PALM2AKAP2: variants seen among roughly 807,000 people sequenced by gnomAD.
PALM2AKAP2 encodes the protein PALM2 and AKAP2 fusion, also known as PALM2-AKAP2 fusion protein.
In PALM2AKAP2, 37 loss-of-function variants were observed where a neutral mutation model predicts 71.5. The observed-to-expected ratio is 0.52, with a 90% CI of 0.40 to 0.68. PALM2AKAP2 has a LOEUF of 0.68. PALM2AKAP2 is among the 30% of genes least tolerant of loss of function. The pLI is 0.00. For missense variants in PALM2AKAP2, 1,224 were observed against 1,191.8 expected (o/e 1.03, Z -0.40); for synonymous variants, 468 against 478.8 (o/e 0.98, Z 0.29).
intron 1 of PALM2AKAP2, among the ~76,000 whole-genome samples, chr9:109,814,900 T>G (rs1366703848): frequency 6.6e-6 from 1 of 152,214 alleles, no homozygotes; most frequent in East Asian, 1.9e-4. Flanking sequence ...GAGTTTGGAT[T>G]TTATCCTGTG....
intron 1 of PALM2AKAP2, among the ~76,000 whole-genome samples, chr9:109,711,574 G>T (rs1828238043): frequency 6.6e-6 from 1 of 152,218 alleles, no homozygotes; most frequent in African/African-American, 2.4e-5. Context: ...GGATTATGAG[G>T]GCCCCAAGGC....
chr9:109,744,961 C>T (rs1178521729), intron 1 of PALM2AKAP2, among the ~76,000 whole-genome samples: 4 of 152,202 alleles, frequency 2.6e-5, no homozygotes, highest in Non-Finnish European at 5.9e-5. Flanking sequence ...CCTCTAAGTC[C>T]ATGCATGCCC....
chr9:109,879,624 A>G (rs1239739116), intron 2 of PALM2AKAP2, among the ~76,000 whole-genome samples: 9 of 152,066 alleles, frequency 5.9e-5, no homozygotes, highest in Non-Finnish European at 1.3e-4. Flanking sequence ...GCTGCCTCCG[A>G]ACCATTGACC....
At chr9:109,865,396 C>T (rs1011473747) in intron 1 of PALM2AKAP2, among the ~76,000 whole-genome samples, 3 of 152,018 alleles carry the variant, frequency 2.0e-5, no homozygotes, top group African/African-American at 7.2e-5. Flanking sequence ...ACTGTGTGCC[C>T]GGCCCTAAAT....
chr9:109,843,466 A>G (rs541525217), intron 1 of PALM2AKAP2, among the ~76,000 whole-genome samples: 67 of 152,138 alleles, frequency 4.4e-4, no homozygotes, highest in Non-Finnish European at 9.3e-4. Flanking sequence ...TAATTCTATA[A>G]TGTACACTTA....
Position 110,093,697 on chromosome 9 carries a change from T to C in PALM2AKAP2, c.157-42430T>C, listed in dbSNP as rs559174544. Among the ~76,000 whole-genome samples, 27 of 152,314 alleles carry C rather than the reference T, an allele frequency of 1.8e-4. No homozygotes were observed. In the South Asian group the frequency reaches 5.2e-3, roughly 29 times the overall value. On this transcript the variant is annotated intron_variant, in intron 1 of 3. Transcript: ENST00000374525. Reference sequence around the variant, plus strand: ...TCTCCAGGCTCATCTCCCCTGCTGCTGCCTTGCACCTTACAACGAGCTGTT... The same window carrying C: ...TCTCCAGGCTCATCTCCCCTGCTGCCGCCTTGCACCTTACAACGAGCTGTT...
chr9:110,014,800 AAAAATGTATATATATATAT>A (rs1461669992), intron 6 of PALM2AKAP2, among the ~76,000 whole-genome samples: 929 of 51,658 alleles, frequency 0.018, 79 homozygotes, highest in African/African-American at 0.063. Flanking sequence ...AAAAAAAAAA[AAAAATGTATATATATATAT>A]ATATATATAT....
intron 6 of PALM2AKAP2, among the ~76,000 whole-genome samples, chr9:109,990,816 C>T (rs1288906754): frequency 2.6e-5 from 4 of 152,220 alleles, no homozygotes; most frequent in South Asian, 2.1e-4. Context: ...GTGAGATAAA[C>T]ATGAGCCCAG....
chr9:110,070,521 C>G (rs1361349342), intron 1 of PALM2AKAP2, among the ~76,000 whole-genome samples: 1 of 152,164 alleles, frequency 6.6e-6, no homozygotes, highest in Non-Finnish European at 1.5e-5. Context: ...TTCTTTCAGT[C>G]GATCCTCTCA....
chr9:109,955,764 A>G (rs1487738486), intron 6 of PALM2AKAP2, among the ~76,000 whole-genome samples: 2 of 151,972 alleles, frequency 1.3e-5, no homozygotes, highest in African/African-American at 4.8e-5. Flanking sequence ...GTGAAATCCC[A>G]ACTCTACTAA....
At chr9:110,080,835 T>C (rs1834434010) in intron 1 of PALM2AKAP2, among the ~76,000 whole-genome samples, 1 of 152,114 alleles carries the variant, frequency 6.6e-6, no homozygotes, top group Admixed American at 6.5e-5. Flanking sequence ...CCCGCCACCA[T>C]GACCAGCTAA....
chr9:110,156,306 C>T lies in PALM2AKAP2; in HGVS notation c.2570-13C>T, dbSNP rs777796314. Reference sequence around the variant, plus strand: ...ACAAGCTTAGAAAGGGTATTTTCTTCGTGTTGTTTCAGGGAAAATAGAGAA... The same window carrying T: ...ACAAGCTTAGAAAGGGTATTTTCTTTGTGTTGTTTCAGGGAAAATAGAGAA... On this transcript the variant is annotated splice_polypyrimidine_tract_variant and intron_variant, in intron 2 of 3. Coordinates refer to ENST00000374525, the Ensembl canonical transcript of PALM2AKAP2. 3.1e-5 allele frequency: 48 copies of T among 1,553,178 alleles called. No individual in the cohort carries two copies. The highest frequency in any genetic ancestry group is 3.7e-5 in the Non-Finnish European group (42 of 1,150,308).
At chr9:109,658,922 A>C (rs1827348323) in intron 1 of PALM2AKAP2, among the ~76,000 whole-genome samples, 1 of 152,246 alleles carries the variant, frequency 6.6e-6, no homozygotes, top group African/African-American at 2.4e-5. Flanking sequence ...ACAAACTTGC[A>C]GGACCTTTAT....
intron 6 of PALM2AKAP2, among the ~76,000 whole-genome samples, chr9:109,965,978 C>T (rs1461154641): frequency 6.6e-6 from 1 of 152,116 alleles, no homozygotes; most frequent in Non-Finnish European, 1.5e-5. Context: ...AATGTGTAAG[C>T]AAACCATGAA....
chr9:109,679,451 A>G (rs1827693991), intron 1 of PALM2AKAP2, among the ~76,000 whole-genome samples: 1 of 152,168 alleles, frequency 6.6e-6, no homozygotes, highest in African/African-American at 2.4e-5. Context: ...TTCCCTTTTA[A>G]GAAGAGAACC....
chr9:110,015,783 C>T (rs550522727), intron 6 of PALM2AKAP2, among the ~76,000 whole-genome samples, 171 bp from the exon 7 acceptor site: 66 of 152,274 alleles, frequency 4.3e-4, no homozygotes, highest in African/African-American at 1.5e-3. Context: ...CAGGACTACA[C>T]TTCTGAAAGG....
intron 1 of PALM2AKAP2, among the ~76,000 whole-genome samples, chr9:109,713,047 G>A (rs1175850726): frequency 6.6e-6 from 1 of 152,216 alleles, no homozygotes; most frequent in Non-Finnish European, 1.5e-5. Flanking sequence ...AAGTAGCAGA[G>A]CATGTTAGAA....
At chr9:109,738,062 C>G (rs1415252157) in intron 1 of PALM2AKAP2, among the ~76,000 whole-genome samples, 2 of 151,920 alleles carry the variant, frequency 1.3e-5, no homozygotes, top group African/African-American at 2.4e-5. Flanking sequence ...TTCCTGGTAC[C>G]AATATTGGAA....
In PALM2AKAP2 at chr9:109,876,948, C is replaced by T. The variant is rs563044417; in HGVS notation, c.127-3603C>T. ...GGCCAGAGCTACCTGCTGATGGTGG[C>T]AGCTAAGTTGGTGAGAAGTGAGGGG... is the stretch of plus-strand genomic sequence containing the variant. On this transcript the variant is annotated intron_variant, in intron 2 of 9. Transcript: ENST00000302798. Among the ~76,000 whole-genome samples, 183 of 152,294 alleles carry T rather than the reference C, an allele frequency of 1.2e-3. 1 individual carries two copies. Among genetic ancestry groups the T allele is most frequent in the African/African-American group, 4.2e-3 (176 of 41,544 alleles).
Sources: gnomAD v4.1 joint callset for allele counts (sites outside exome capture counted in the v4.1 genomes callset) on GRCh38, gnomAD v4.1.1 for gene constraint, MANE v1.5 for transcripts, NCBI Gene and HGNC (gene_info 2026-07-23, HGNC 2026-07-21) for gene names.